Variants in PPARG observed in about 807,000 individuals in gnomAD.
The protein encoded by PPARG is peroxisome proliferator activated receptor gamma.
A neutral mutation model predicts 39.2 loss-of-function variants in PPARG; 17 were observed. The ratio of observed to expected loss-of-function variants is 0.43; its 90% confidence interval spans 0.30 to 0.65. The LOEUF (loss-of-function observed/expected upper bound fraction) is 0.65, where lower values mean the gene tolerates loss of function less well. PPARG is among the 30% of genes least tolerant of loss of function. The pLI is 0.13. For synonymous variants in PPARG, 223 were observed against 215.7 expected (o/e 1.03, Z -0.30); for missense variants, 406 against 585.9 (o/e 0.69, Z 3.17).
intron 2 of PPARG, among the ~76,000 whole-genome samples, chr3:12,357,351 C>T (rs184631430): frequency 8.5e-5 from 13 of 152,266 alleles, no homozygotes; most frequent in Admixed American, 6.5e-4. Flanking sequence ...ATTCCAGATG[C>T]TCTCCTGCCT....
At chr3:12,385,791 C>T (rs963633909) in intron 4 of PPARG, among the ~76,000 whole-genome samples, 1 of 152,188 alleles carries the variant, frequency 6.6e-6, no homozygotes, top group Non-Finnish European at 1.5e-5. Context: ...ATTAATCCAA[C>T]TTCCAGGGGC....
chr3:12,377,172 A>G (rs914249169), intron 2 of PPARG, among the ~76,000 whole-genome samples: 19 of 152,182 alleles, frequency 1.2e-4, no homozygotes, highest in African/African-American at 4.3e-4. Context: ...TCATGTTTAG[A>G]AAAATGCATG....
chr3:12,394,470 G>C (rs2050188116), intron 5 of PPARG, among the ~76,000 whole-genome samples: 1 of 152,084 alleles, frequency 6.6e-6, no homozygotes, highest in African/African-American at 2.4e-5. Flanking sequence ...TCCCATAAAT[G>C]TCAAAGAAAG....
At chr3:12,366,783 T>C (rs1369355791) in intron 2 of PPARG, among the ~76,000 whole-genome samples, 1 of 152,178 alleles carries the variant, frequency 6.6e-6, no homozygotes, top group Non-Finnish European at 1.5e-5. Flanking sequence ...TCATACATTA[T>C]CGGATTCAAT....
At chr3:12,351,322 G>A (rs1235683676) in intron 2 of PPARG, 15 of 544,388 alleles carry the variant, frequency 2.8e-5, no homozygotes, top group South Asian at 1.8e-4. Context: ...TATTTTCCCT[G>A]TAATGTACCA....
chr3:12,433,727 G>A (rs2051749919), intron 7 of PPARG, among the ~76,000 whole-genome samples, 171 bp from the exon 8 acceptor site: 1 of 152,052 alleles, frequency 6.6e-6, no homozygotes, highest in Admixed American at 6.6e-5. Flanking sequence ...TCCATCCTTA[G>A]TTCTTACCCA....
intron 1 of PPARG, among the ~76,000 whole-genome samples, chr3:12,289,825 G>C (rs1424301707): frequency 2.6e-5 from 4 of 152,168 alleles, no homozygotes; most frequent in African/African-American, 9.7e-5. Context: ...TTAGCATTTG[G>C]AGTAATATAT....
chr3:12,367,821 A>G (rs1231429095), intron 2 of PPARG, among the ~76,000 whole-genome samples: 1 of 151,976 alleles, frequency 6.6e-6, no homozygotes, highest in Non-Finnish European at 1.5e-5. Flanking sequence ...GCTTCAGTGA[A>G]CCATAATTGT....
chr3:12,337,713 C>T (rs1032040834), intron 2 of PPARG, among the ~76,000 whole-genome samples: 1 of 152,136 alleles, frequency 6.6e-6, no homozygotes, highest in African/African-American at 2.4e-5. Context: ...TGCCCCCATT[C>T]ATGGGTTCCA....
At chr3:12,428,803 G>A (rs144153264) in intron 7 of PPARG, among the ~76,000 whole-genome samples, 15 of 152,342 alleles carry the variant, frequency 9.8e-5, no homozygotes, top group African/African-American at 3.1e-4. Context: ...TAAGTCAGGT[G>A]TTCTAAGTTT....
chr3:12,371,639 C>T (rs753976609), intron 2 of PPARG, among the ~76,000 whole-genome samples: 38 of 152,136 alleles, frequency 2.5e-4, no homozygotes, highest in Non-Finnish European at 4.7e-4. Flanking sequence ...TGAAAAGTGG[C>T]AAAGGTTAAA....
In PPARG at chr3:12,405,864, A is replaced by C; in HGVS notation, c.530-18A>C. On this transcript the variant is annotated intron_variant, in intron 5 of 7. Transcript: ENST00000651735. Reference sequence around the variant, plus strand: ...TAGTAATCCAATGATTCATCCTGTCATTCCTCTTCCTCTATAGCCATCAGG... The same window carrying C: ...TAGTAATCCAATGATTCATCCTGTCCTTCCTCTTCCTCTATAGCCATCAGG... 6.2e-7 allele frequency: 1 copy of C among 1,609,064 alleles called. No homozygotes were observed. The highest frequency in any genetic ancestry group is 8.5e-7 in the Non-Finnish European group (1 of 1,175,696).
chr3:12,334,768 A>G (rs2047963164), intron 2 of PPARG, among the ~76,000 whole-genome samples: 1 of 152,204 alleles, frequency 6.6e-6, no homozygotes, highest in Non-Finnish European at 1.5e-5. Context: ...TTGTTCCAGT[A>G]GACACTTTAT....
intron 6 of PPARG, among the ~76,000 whole-genome samples, chr3:12,410,154 A>G (rs931356397): frequency 6.1e-4 from 93 of 152,208 alleles, no homozygotes; most frequent in African/African-American, 2.1e-3. Flanking sequence ...ACCGCCCTCA[A>G]TAGGATGGAA....
chr3:12,405,185 AT>A (rs1213173298), intron 5 of PPARG, among the ~76,000 whole-genome samples: 1 of 152,120 alleles, frequency 6.6e-6, no homozygotes, highest in Non-Finnish European at 1.5e-5. Context: ...CCCCTCTTAC[AT>A]TTTCCTTGTT....
At chr3:12,375,022 C>T (rs2049356419) in intron 2 of PPARG, among the ~76,000 whole-genome samples, 1 of 152,152 alleles carries the variant, frequency 6.6e-6, no homozygotes. Context: ...TGGCTATTTT[C>T]ACATTAAAAA....
intron 5 of PPARG, among the ~76,000 whole-genome samples, chr3:12,400,920 A>G (rs183351830): frequency 3.1e-4 from 47 of 152,336 alleles, no homozygotes; most frequent in African/African-American, 1.1e-3. Flanking sequence ...AGCTGAAACT[A>G]GAAATTAAGC....
intron 1 of PPARG, among the ~76,000 whole-genome samples, chr3:12,308,273 G>A (rs532280051): frequency 6.7e-6 from 1 of 149,116 alleles, no homozygotes; most frequent in East Asian, 2.0e-4. Context: ...GAGCCTGGGT[G>A]GTTGAGGCTA....
At chr3:12,319,429 G>A (rs887803320) in intron 2 of PPARG, among the ~76,000 whole-genome samples, 7 of 152,062 alleles carry the variant, frequency 4.6e-5, no homozygotes, top group African/African-American at 1.2e-4. Flanking sequence ...TCCAGATAGC[G>A]TCGTAAAATT....
Sources: allele counts gnomAD v4.1 joint callset (sites outside exome capture counted in the v4.1 genomes callset), GRCh38; gene constraint gnomAD v4.1.1; transcripts MANE v1.5; gene names NCBI Gene and HGNC (gene_info 2026-07-23, HGNC 2026-07-21).